The following PALLD variants were observed in gnomAD, a reference collection of about 807,000 sequenced individuals.
PALLD encodes the protein palladin, cytoskeletal associated protein.
PALLD carries 61 observed loss-of-function variants against 123.5 expected under a neutral mutation model. The ratio of observed to expected loss-of-function variants is 0.49; its 90% CI spans 0.40 to 0.61. PALLD has a LOEUF of 0.61. Among genes scored for constraint, PALLD ranks in the 20% least tolerant of loss-of-function variants. The probability of loss-of-function intolerance (pLI) is 0.00; values close to 1 mark genes in which losing one functional copy is unlikely to be tolerated. For synonymous variants in PALLD, 465 were observed against 496.4 expected (o/e 0.94, Z 0.84); for missense variants, 1,273 against 1,377.0 (o/e 0.92, Z 1.20).
At chr4:168,599,012 T>C (rs1043187381) in intron 2 of PALLD, among the ~76,000 whole-genome samples, 1 of 152,194 alleles carries the variant, frequency 6.6e-6, no homozygotes, top group Non-Finnish European at 1.5e-5. Context: ...CCTTATTATA[T>C]TGAAACTTTC....
chr4:168,515,207 G>A (rs1762879847), intron 2 of PALLD, among the ~76,000 whole-genome samples: 1 of 152,174 alleles, frequency 6.6e-6, no homozygotes, highest in Admixed American at 6.5e-5. Flanking sequence ...ATTTGTAAGT[G>A]CACCAGACGC....
chr4:168,690,049 ATTACT>A (rs779126658), intron 6 of PALLD, among the ~76,000 whole-genome samples: 14 of 152,198 alleles, frequency 9.2e-5, no homozygotes, highest in Non-Finnish European at 1.3e-4. Context: ...AGCATGTTTC[ATTACT>A]TTACTCAGAA....
intron 10 of PALLD, among the ~76,000 whole-genome samples, chr4:168,860,276 G>T (rs1345881884): frequency 6.6e-6 from 1 of 152,228 alleles, no homozygotes; most frequent in African/African-American, 2.4e-5. Flanking sequence ...AGAAGGATCT[G>T]TTGACACCAG....
chr4:168,612,082 C>T (rs1773784290), intron 2 of PALLD, among the ~76,000 whole-genome samples: 1 of 152,038 alleles, frequency 6.6e-6, no homozygotes, highest in African/African-American at 2.4e-5. Context: ...ACCACTTGAG[C>T]CCGAGAGGTT....
chr4:168,683,236 C>G (rs1781728039), intron 5 of PALLD, 133 bp downstream of exon 5: 2 of 573,568 alleles, frequency 3.5e-6, no homozygotes, highest in South Asian at 2.4e-5. Context: ...AAATTCAGAG[C>G]AAAGAAAATT....
intron 2 of PALLD, among the ~76,000 whole-genome samples, chr4:168,546,860 C>T (rs1320002900): frequency 2.0e-5 from 3 of 152,170 alleles, no homozygotes; most frequent in African/African-American, 7.2e-5. Context: ...CCTAGGTTTA[C>T]ATTATGTATT....
At chr4:168,599,594 A>G (rs1186589763) in intron 2 of PALLD, among the ~76,000 whole-genome samples, 1 of 152,130 alleles carries the variant, frequency 6.6e-6, no homozygotes, top group South Asian at 2.1e-4. Flanking sequence ...ATAATATGCT[A>G]TGTAGTTATT....
chr4:168,561,070 G>A (rs1767813038), intron 2 of PALLD, among the ~76,000 whole-genome samples: 1 of 152,056 alleles, frequency 6.6e-6, no homozygotes, highest in Non-Finnish European at 1.5e-5. Context: ...CCAAGATGAT[G>A]ACAGTGAGAC....
At chr4:168,803,995 C>T (rs1324879706) in intron 10 of PALLD, among the ~76,000 whole-genome samples, 1 of 152,132 alleles carries the variant, frequency 6.6e-6, no homozygotes, top group Non-Finnish European at 1.5e-5. Context: ...ATGCTGTCAT[C>T]CTTTTCTTTT....
In PALLD at chr4:168,511,564, A is replaced by C; in HGVS notation, c.60A>C (p.Glu20Asp). The part of the protein sequence containing the change: ...FYDSLSDMQE[E>D]SKNTDFFPGL... ...ACTCCCTCTCAGACATGCAGGAAGA[A>C]AGCAAGAATACTGACTTCTTCCCGG... Residue 20 changes from glutamate (E) to aspartate (D), a missense_variant, in exon 2 of 22, where the codon GAA becomes GAC. Glu to Asp is a conservative substitution (Grantham distance 45, BLOSUM62 2). Coordinates refer to ENST00000505667, the MANE Select transcript of PALLD (RefSeq NM_001166108.2). 1 of 1,614,160 alleles carries C rather than the reference A, an allele frequency of 6.2e-7. No individual in the cohort carries two copies. The highest frequency in any genetic ancestry group is 8.5e-7 in the Non-Finnish European group (1 of 1,179,992).
chr4:168,714,778 A>T (rs1785179887), intron 10 of PALLD, among the ~76,000 whole-genome samples: 1 of 152,158 alleles, frequency 6.6e-6, no homozygotes, highest in African/African-American at 2.4e-5. Flanking sequence ...AGGAACTAAA[A>T]TATTTACTCT....
intron 10 of PALLD, among the ~76,000 whole-genome samples, chr4:168,784,768 T>C (rs1052011400): frequency 6.6e-6 from 1 of 152,194 alleles, no homozygotes; most frequent in African/African-American, 2.4e-5. Flanking sequence ...AAATGTGAGT[T>C]TCATAGCAGG....
chr4:168,850,175 C>T (rs964001791), intron 10 of PALLD, among the ~76,000 whole-genome samples: 1 of 152,076 alleles, frequency 6.6e-6, no homozygotes, highest in African/African-American at 2.4e-5. Flanking sequence ...AGTGATCTGC[C>T]AGAACCAAGC....
chr4:168,710,883 AACATAATC>A (rs1454253241), intron 9 of PALLD, among the ~76,000 whole-genome samples: 1 of 152,198 alleles, frequency 6.6e-6, no homozygotes, highest in African/African-American at 2.4e-5. Context: ...CTATAGGTCA[AACATAATC>A]AACAAATATT....
At chr4:168,791,728 A>T (rs115324464) in intron 10 of PALLD, among the ~76,000 whole-genome samples, 1,548 of 152,304 alleles carry the variant, frequency 0.01, 11 homozygotes, top group Middle Eastern at 0.031. Flanking sequence ...TGATTATCTG[A>T]TTGAAATAAT....
intron 10 of PALLD, among the ~76,000 whole-genome samples, chr4:168,855,895 T>C (rs755383376): frequency 2.9e-4 from 44 of 152,234 alleles, no homozygotes; most frequent in Non-Finnish European, 5.1e-4. Context: ...TGGGCAGGTT[T>C]GTTACAAGGG....
chr4:168,740,601 G>T (rs148906818), intron 10 of PALLD, among the ~76,000 whole-genome samples: 69 of 152,224 alleles, frequency 4.5e-4, no homozygotes, highest in African/African-American at 1.6e-3. Context: ...TTAAAAATTA[G>T]AATCAGAGTT....
intron 10 of PALLD, among the ~76,000 whole-genome samples, chr4:168,745,764 C>T (rs1365536433): frequency 6.6e-6 from 1 of 151,716 alleles, no homozygotes; most frequent in Non-Finnish European, 1.5e-5. Flanking sequence ...TTCTAAGTGA[C>T]CATTTTGGTG....
intron 13 of PALLD, among the ~76,000 whole-genome samples, chr4:168,897,618 C>T (rs1755496594): frequency 6.6e-6 from 1 of 151,952 alleles, no homozygotes; most frequent in Non-Finnish European, 1.5e-5. Context: ...AGCTACTGTT[C>T]TTTTTAAATT....
Sources: allele counts gnomAD v4.1 joint callset (sites outside exome capture counted in the v4.1 genomes callset), GRCh38; gene constraint gnomAD v4.1.1; transcripts MANE v1.5; gene names NCBI Gene and HGNC (gene_info 2026-07-23, HGNC 2026-07-21).